GALNTL6: variants seen among roughly 807,000 people sequenced by gnomAD.
The protein encoded by GALNTL6 is polypeptide N-acetylgalactosaminyltransferase like 6.
Under a neutral mutation model 73.7 loss-of-function variants are expected in GALNTL6, and 46 were observed. The observed-to-expected ratio is 0.62, with a 90% confidence interval of 0.49 to 0.80. The LOEUF (loss-of-function observed/expected upper bound fraction) is 0.80, where lower values mean the gene tolerates loss of function less well. GALNTL6 is among the 30% of genes least tolerant of loss of function. The pLI, the probability that GALNTL6 is intolerant of heterozygous loss-of-function variation, is 0.00. For missense variants in GALNTL6, 604 were observed against 755.0 expected (o/e 0.80, Z 2.34); for synonymous variants, 259 against 263.7 (o/e 0.98, Z 0.17).
intron 3 of GALNTL6, among the ~76,000 whole-genome samples, chr4:172,263,772 T>C (rs753527401): frequency 4.0e-4 from 61 of 151,586 alleles, no homozygotes; most frequent in Non-Finnish European, 7.2e-4. Context: ...ATTATGTTAA[T>C]TGAATTTCCT....
chr4:172,193,591 G>A (rs1165325640), intron 2 of GALNTL6, among the ~76,000 whole-genome samples: 1 of 152,192 alleles, frequency 6.6e-6, no homozygotes, highest in African/African-American at 2.4e-5. Context: ...GGCCGGGCGT[G>A]GTGGCTCATG....
intron 11 of GALNTL6, among the ~76,000 whole-genome samples, chr4:173,015,804 A>C (rs747016195): frequency 6.6e-6 from 1 of 152,080 alleles, no homozygotes; most frequent in Non-Finnish European, 1.5e-5. Flanking sequence ...TGAGCAGCCA[A>C]ATGTTAATCA....
intron 2 of GALNTL6, among the ~76,000 whole-genome samples, chr4:171,935,999 T>C (rs1002331492): frequency 1.3e-5 from 2 of 152,216 alleles, no homozygotes; most frequent in Non-Finnish European, 2.9e-5. Flanking sequence ...TTGGCATGAC[T>C]AATCCTCAGA....
At chr4:172,933,890 A>G (rs972445910) in intron 9 of GALNTL6, among the ~76,000 whole-genome samples, 1 of 152,222 alleles carries the variant, frequency 6.6e-6, no homozygotes, top group African/African-American at 2.4e-5. Flanking sequence ...AGCTCAATTA[A>G]TTCTTCAAAA....
intron 2 of GALNTL6, among the ~76,000 whole-genome samples, chr4:171,858,662 G>A (rs973605423): frequency 6.6e-6 from 1 of 151,904 alleles, no homozygotes; most frequent in Non-Finnish European, 1.5e-5. Context: ...CTTTTTACAT[G>A]TACTTCTTTC....
intron 10 of GALNTL6, among the ~76,000 whole-genome samples, chr4:172,983,770 G>A (rs1751174944): frequency 6.6e-6 from 1 of 152,100 alleles, no homozygotes; most frequent in African/African-American, 2.4e-5. Context: ...AAATTATCAT[G>A]GAAAGCAAGT....
rs530011426 is a variant in GALNTL6 at position 172,723,599 on chromosome 4, A to G, written c.554-85762A>G. Among the ~76,000 whole-genome samples the G allele has an allele frequency of 9.9e-5, 15 of 152,284 alleles. 1 individual carries two copies. The East Asian group carries it at 2.3e-3, about 24-fold the overall frequency. ...TGATTACTTAGTTTGACAGCAAGAT[A>G]AAACTTTTATAGTGCCTTGAAGAAT... On this transcript the variant is annotated intron_variant, in intron 5 of 12. Transcript: ENST00000506823.
intron 5 of GALNTL6, among the ~76,000 whole-genome samples, chr4:172,679,435 C>A (rs1374890568): frequency 6.6e-6 from 1 of 151,766 alleles, no homozygotes; most frequent in Non-Finnish European, 1.5e-5. Flanking sequence ...AAGTAAAAGC[C>A]ATGCTAAATT....
At chr4:172,596,012 T>C (rs938103986) in intron 5 of GALNTL6, among the ~76,000 whole-genome samples, 3 of 152,070 alleles carry the variant, frequency 2.0e-5, no homozygotes, top group African/African-American at 7.2e-5. Context: ...AACATATAAA[T>C]ATATAAACAT....
In GALNTL6 at chr4:172,977,205, C is replaced by T. The variant is rs901647510; in HGVS notation, c.1371+24947C>T. Among the ~76,000 whole-genome samples the T allele has an allele frequency of 7.9e-5, 12 of 152,246 alleles. No homozygotes were observed. The East Asian group carries it at 2.3e-3, about 29-fold the overall frequency. On this transcript the variant is annotated intron_variant, in intron 10 of 12. Coordinates refer to ENST00000506823, the MANE Select transcript of GALNTL6 (RefSeq NM_001034845.3). The stretch of plus-strand genomic sequence containing the variant: ...TCAGGGAGGCCAGTGGGTTTGTTTG[C>T]CAGAAAGAACAACACTCTGGGTCTA...
intron 10 of GALNTL6, among the ~76,000 whole-genome samples, chr4:172,962,795 G>T (rs1422887464): frequency 6.6e-6 from 1 of 151,850 alleles, no homozygotes; most frequent in Non-Finnish European, 1.5e-5. Flanking sequence ...TTGGAACTCA[G>T]CTTGTAAAGG....
At chr4:172,040,425 C>T (rs1031661620) in intron 2 of GALNTL6, among the ~76,000 whole-genome samples, 5 of 151,546 alleles carry the variant, frequency 3.3e-5, no homozygotes, top group African/African-American at 1.2e-4. Context: ...TTCCTTTTTC[C>T]TAAGACTTCA....
chr4:172,290,399 C>T (rs1404539085), intron 3 of GALNTL6, among the ~76,000 whole-genome samples: 2 of 152,048 alleles, frequency 1.3e-5, no homozygotes, highest in East Asian at 3.8e-4. Flanking sequence ...GTACTTAAAT[C>T]TAGTTTATGT....
chr4:172,632,386 A>C (rs1014428400), intron 5 of GALNTL6, among the ~76,000 whole-genome samples: 5 of 152,164 alleles, frequency 3.3e-5, no homozygotes, highest in Non-Finnish European at 7.4e-5. Flanking sequence ...TATGGACAAG[A>C]AATCTAGGTT....
In GALNTL6 at chr4:172,970,451, A is replaced by G. The variant is rs536237265; in HGVS notation, c.1371+18193A>G. On this transcript the variant is annotated intron_variant, in intron 10 of 12. Transcript: ENST00000506823. ...TTATAGACCTCCCCCCAGGAATGCA[A>G]TTCTTTTCCTAGGGTCTTAATATTT... Among the ~76,000 whole-genome samples the G allele has an allele frequency of 3.2e-4, 49 of 152,276 alleles. 1 individual carries two copies. In the South Asian group the frequency reaches 6.6e-3, roughly 21 times the overall value.
At chr4:172,783,195 T>C (rs1739466190) in intron 5 of GALNTL6, among the ~76,000 whole-genome samples, 1 of 150,776 alleles carries the variant, frequency 6.6e-6, no homozygotes, top group Non-Finnish European at 1.5e-5. Flanking sequence ...CCAAAAACTA[T>C]GGAAACTTGC....
chr4:172,515,660 A>G (rs1734580455), intron 5 of GALNTL6, among the ~76,000 whole-genome samples: 1 of 152,230 alleles, frequency 6.6e-6, no homozygotes, highest in Non-Finnish European at 1.5e-5. Flanking sequence ...GCTGTCCTGA[A>G]TTAACCCCCT....
chr4:172,181,777 C>T (rs943152601), intron 2 of GALNTL6, among the ~76,000 whole-genome samples: 8 of 145,966 alleles, frequency 5.5e-5, no homozygotes, highest in East Asian at 4.0e-4. Context: ...AGTGCAGTGG[C>T]GCGATCTCGG....
At position 172,712,132 on chromosome 4, in the gene GALNTL6, A is replaced by T. The variant is rs1030450906; in HGVS notation, c.554-97229A>T. Among the ~76,000 whole-genome samples the T allele has an allele frequency of 3.3e-5, 5 of 152,268 alleles. No individual in the cohort carries two copies. The South Asian group carries it at 6.2e-4, about 19-fold the overall frequency. ...TGTTTGTGTTTGGGTGGATGTGTAA[A>T]TGGAACGCCATAAAGAAAAACATTA... On this transcript the variant is annotated intron_variant, in intron 5 of 12. Transcript: ENST00000506823.
Sources: allele counts gnomAD v4.1 joint callset (sites outside exome capture counted in the v4.1 genomes callset), GRCh38; gene constraint gnomAD v4.1.1; transcripts MANE v1.5; gene names NCBI Gene and HGNC (gene_info 2026-07-23, HGNC 2026-07-21).